The following TNS3 variants were observed in gnomAD, a reference collection of about 807,000 sequenced individuals.
TNS3 encodes tensin-3.
Under a neutral mutation model 140.9 loss-of-function variants are expected in TNS3, and 45 were observed. The observed-to-expected ratio is 0.32, with a 90% CI of 0.25 to 0.41. The LOEUF is 0.41. TNS3 is among the 10% of genes least tolerant of loss of function. The pLI is 1.00. For missense variants in TNS3, 1,716 were observed against 1,906.7 expected (o/e 0.90, Z 1.86); for synonymous variants, 815 against 788.4 (o/e 1.03, Z -0.56).
rs760826801 is a variant in TNS3, at chr7:47,439,594, G to A, written c.43C>T (p.Arg15Cys). The change falls in exon 6 of 31, where the codon CGC becomes TGC. Residue 15 changes from arginine to cysteine, a missense_variant. By Grantham distance (180) the Arg-to-Cys change is radical. Around this residue, in one of 3 missense-constraint regions of TNS3, gnomAD observed 337 missense variants for 428.9 expected, o/e 0.79. Coordinates refer to ENST00000311160, the MANE Select transcript of TNS3 (RefSeq NM_022748.12). ...GCAGGGAAGGACACAGCGATGATGC[G>A]CTCCGTGATGTAAGTGAGGTCCAGC... ...HGLDLTYITE[R>C]IIAVSFPAGC... 6.2e-7 allele frequency: 1 copy of A among 1,614,072 alleles called. No individual in the cohort carries two copies.
At chr7:47,300,104 T>A (rs1355683504) in intron 23 of TNS3, among the ~76,000 whole-genome samples, 1 of 152,200 alleles carries the variant, frequency 6.6e-6, no homozygotes, top group Non-Finnish European at 1.5e-5. Context: ...AGAGGTTATC[T>A]GGGTGTTTTT....
chr7:47,544,015 T>C (rs1188914438), intron 1 of TNS3, among the ~76,000 whole-genome samples: 1 of 152,206 alleles, frequency 6.6e-6, no homozygotes, highest in African/African-American at 2.4e-5. Flanking sequence ...AATGCTTTCC[T>C]TACAAAATTC....
chr7:47,490,484 C>G (rs915377244), intron 3 of TNS3, among the ~76,000 whole-genome samples: 1 of 152,244 alleles, frequency 6.6e-6, no homozygotes, highest in Non-Finnish European at 1.5e-5. Flanking sequence ...GAGTCTGTCC[C>G]TGTTCCTCTT....
intron 1 of TNS3, among the ~76,000 whole-genome samples, chr7:47,544,275 A>C (rs1181089393): frequency 6.6e-6 from 1 of 152,046 alleles, no homozygotes; most frequent in Admixed American, 6.5e-5. Context: ...TGCCCAGCCC[A>C]AAAGATAAAC....
chr7:47,509,620 T>C lies in TNS3; in HGVS notation c.-152-2676A>G, dbSNP rs186283876. ...TGCATCCAGCCATACTCTCCCTGCCTTTCTGACATATTACAAAATATGAAT... is the reference window on the plus strand; with the variant it reads ...TGCATCCAGCCATACTCTCCCTGCCCTTCTGACATATTACAAAATATGAAT... On this transcript the variant is annotated intron_variant, in intron 2 of 30. Transcript: ENST00000311160. Among the ~76,000 whole-genome samples the C allele has an allele frequency of 6.1e-3, 927 of 152,222 alleles. 1 individual carries two copies. The highest frequency in any genetic ancestry group is 0.031 in the Middle Eastern group (9 of 294).
intron 20 of TNS3, among the ~76,000 whole-genome samples, chr7:47,306,007 T>C (rs1469999381): frequency 1.3e-5 from 2 of 152,186 alleles, no homozygotes. Context: ...CACAGGACTA[T>C]CACCTCACAT....
chr7:47,486,017 A>G (rs976317001), intron 3 of TNS3, among the ~76,000 whole-genome samples: 1 of 140,918 alleles, frequency 7.1e-6, no homozygotes, highest in African/African-American at 2.7e-5. Flanking sequence ...TGTGGAGGTG[A>G]GTGTGTGTGG....
intron 3 of TNS3, among the ~76,000 whole-genome samples, chr7:47,498,999 C>T (rs1376695990): frequency 6.6e-6 from 1 of 152,254 alleles, no homozygotes; most frequent in African/African-American, 2.4e-5. Flanking sequence ...TGGCCACCTT[C>T]GAGTCCAAGA....
intron 20 of TNS3, among the ~76,000 whole-genome samples, chr7:47,324,531 C>T (rs59385728): frequency 0.1 from 15,612 of 152,202 alleles, 971 homozygotes; most frequent in African/African-American, 0.17. Flanking sequence ...GCAGGCAGAC[C>T]GCTTGAGGTC....
intron 17 of TNS3, among the ~76,000 whole-genome samples, chr7:47,365,835 T>C (rs1179852343): frequency 6.6e-6 from 1 of 152,192 alleles, no homozygotes; most frequent in African/African-American, 2.4e-5. Context: ...GTGGATAATA[T>C]GATGTGGCTT....
At chr7:47,564,154 A>G (rs1044516521) in intron 1 of TNS3, among the ~76,000 whole-genome samples, 2 of 141,466 alleles carry the variant, frequency 1.4e-5, no homozygotes, top group Non-Finnish European at 3.0e-5. Flanking sequence ...AGATCACACC[A>G]CTGCACTGCA....
rs760716049 is a variant in TNS3 at position 47,413,992 on chromosome 7, G to A, written c.592C>T (p.Arg198Trp). The change falls in exon 12 of 31, where the codon CGG (arginine) becomes TGG (tryptophan). Residue 198 changes from arginine (R) to tryptophan (W), a missense_variant. By Grantham distance (101) the Arg-to-Trp change is moderately radical (BLOSUM62 -3). Transcript: ENST00000311160. The stretch of plus-strand genomic sequence containing the variant: ...GCTTGGTAGAGCTTCAGAAAGGGCC[G>A]GCACACTGAAAGAAAGGCACAACTG... ...TPNFDTGGVC[R>W]PFLKLYQAMQ... 7.9e-5 allele frequency: 128 copies of A among 1,613,656 alleles called. No homozygotes were observed. The highest frequency in any genetic ancestry group is 1.0e-4 in the Non-Finnish European group (120 of 1,179,956).
intron 4 of TNS3, among the ~76,000 whole-genome samples, chr7:47,457,006 T>C (rs764043972): frequency 2.0e-5 from 3 of 151,454 alleles, no homozygotes; most frequent in Non-Finnish European, 4.4e-5. Context: ...ACCTTACCCC[T>C]TTCTTTTAAG....
At chr7:47,541,948 C>CAAAAAAA (rs11314197) in intron 1 of TNS3, among the ~76,000 whole-genome samples, 1 of 130,970 alleles carries the variant, frequency 7.6e-6, no homozygotes, top group Admixed American at 7.7e-5. Context: ...GACTCCATCT[C>CAAAAAAA]AAAAAAAAAA....
chr7:47,313,527 G>C (rs1362774609), intron 20 of TNS3, among the ~76,000 whole-genome samples: 3 of 152,276 alleles, frequency 2.0e-5, no homozygotes, highest in African/African-American at 7.2e-5. Flanking sequence ...ATGGTTGGTT[G>C]GTTGAGCTTT....
intron 17 of TNS3, among the ~76,000 whole-genome samples, chr7:47,367,238 A>G (rs1790757012): frequency 6.6e-6 from 1 of 152,048 alleles, no homozygotes; most frequent in Non-Finnish European, 1.5e-5. Context: ...TCCAGACCAC[A>G]TGATCTCACC....
rs145917534 is a variant in TNS3, at chr7:47,510,268, T to A, written c.-152-3324A>T. On this transcript the variant is annotated intron_variant, in intron 2 of 30. Transcript: ENST00000311160. ...TGAAGGTGCTGGCCAGAAGGGAGGC[T>A]GCAAAACAGAAGAAGAACTTCGCAC... Among the ~76,000 whole-genome samples, 31 of 152,136 alleles carry A rather than the reference T, an allele frequency of 2.0e-4. No homozygotes were observed. In the East Asian group the frequency reaches 5.6e-3, roughly 28 times the overall value.
chr7:47,334,917 C>T (rs934574668), intron 20 of TNS3, among the ~76,000 whole-genome samples: 3 of 152,106 alleles, frequency 2.0e-5, no homozygotes, highest in African/African-American at 7.2e-5. Context: ...AGAACCACGA[C>T]TTTTTAAAGG....
chr7:47,357,675 C>G (rs1300245145), intron 17 of TNS3, among the ~76,000 whole-genome samples: 1 of 151,872 alleles, frequency 6.6e-6, no homozygotes, highest in Non-Finnish European at 1.5e-5. Flanking sequence ...CCCAGGCCCA[C>G]CCTCCCTCAG....
Sources: allele counts gnomAD v4.1 joint callset (sites outside exome capture counted in the v4.1 genomes callset), GRCh38; gene constraint gnomAD v4.1.1; regional missense constraint gnomAD v4.1.1; transcripts MANE v1.5; gene names NCBI Gene and HGNC (gene_info 2026-07-23, HGNC 2026-07-21).